HEMK2: variants seen among roughly 807,000 people sequenced by gnomAD.
HEMK2 encodes HemK methyltransferase 2, ETF1 glutamine and histone H4 lysine.
the HEMK2 span, among the ~76,000 whole-genome samples, chr21:28,831,958 A>G: frequency 6.6e-6 from 1 of 152,332 alleles, no homozygotes; most frequent in South Asian, 2.1e-4. Context: ...CTAAAATATC[A>G]TATTTGTAGG....
chr21:28,677,173 C>T, the HEMK2 span, among the ~76,000 whole-genome samples: 5 of 152,152 alleles, frequency 3.3e-5, no homozygotes, highest in African/African-American at 1.2e-4. Context: ...ACAGACAGCA[C>T]CTGGAAAATC....
chr21:28,700,960 A>G, the HEMK2 span, among the ~76,000 whole-genome samples: 2 of 152,168 alleles, frequency 1.3e-5, no homozygotes, highest in African/African-American at 4.8e-5. Context: ...AGGATCAAGG[A>G]GGCTTTATCC....
chr21:28,596,785 A>G, the HEMK2 span, among the ~76,000 whole-genome samples: 2 of 152,200 alleles, frequency 1.3e-5, no homozygotes, highest in South Asian at 4.1e-4. Context: ...ATATTTCAAG[A>G]AATCATTATA....
chr21:28,885,347 G>C, the HEMK2 span: 3 of 1,556,532 alleles, frequency 1.9e-6, no homozygotes, highest in Non-Finnish European at 2.6e-6. Context: ...CCCTGCCATA[G>C]TCCTTCGCTG....
chr21:28,846,592 A>G, the HEMK2 span, among the ~76,000 whole-genome samples: 2 of 152,054 alleles, frequency 1.3e-5, no homozygotes, highest in Admixed American at 6.6e-5. Context: ...GGCCACATGT[A>G]TGTATTCTTT....
the HEMK2 span, among the ~76,000 whole-genome samples, chr21:28,863,413 TATATATATATATATA>T: frequency 0.087 from 2,108 of 24,106 alleles, 248 homozygotes; most frequent in African/African-American, 0.11. Context: ...CTCCCTTTTA[TATATATATATATATA>T]TATATATATA....
chr21:28,788,553 A>C, the HEMK2 span, among the ~76,000 whole-genome samples: 1 of 152,142 alleles, frequency 6.6e-6, no homozygotes, highest in Non-Finnish European at 1.5e-5. Flanking sequence ...AAGGGATAAA[A>C]GACTACAAAT....
the HEMK2 span, chr21:28,878,061 T>C: frequency 2.7e-6 from 2 of 731,938 alleles, no homozygotes; most frequent in South Asian, 2.8e-5. Flanking sequence ...CTGTATTAGC[T>C]ACTGTCAGTG....
chr21:28,599,722 G>A, the HEMK2 span, among the ~76,000 whole-genome samples: 1 of 152,068 alleles, frequency 6.6e-6, no homozygotes. Context: ...GTGAGACAAG[G>A]CACACCCCTT....
At chr21:28,753,675 G>C in the HEMK2 span, among the ~76,000 whole-genome samples, 4 of 152,154 alleles carry the variant, frequency 2.6e-5, no homozygotes. Context: ...ACAAATCTGA[G>C]AGTTAGCCAT....
chr21:28,774,813 G>A, the HEMK2 span, among the ~76,000 whole-genome samples: 2 of 152,056 alleles, frequency 1.3e-5, no homozygotes, highest in South Asian at 4.1e-4. Flanking sequence ...ATGTATTCCT[G>A]AGTAGTATGT....
At chr21:28,587,671 C>A in the HEMK2 span, among the ~76,000 whole-genome samples, 17 of 152,176 alleles carry the variant, frequency 1.1e-4, no homozygotes, top group African/African-American at 3.4e-4. Flanking sequence ...CAACTATCTA[C>A]AAATGCCAGT....
chr21:28,625,085 G>A, the HEMK2 span, among the ~76,000 whole-genome samples: 2 of 152,312 alleles, frequency 1.3e-5, no homozygotes, highest in African/African-American at 4.8e-5. Context: ...GCTAAGTCAT[G>A]CACCCAACTT....
the HEMK2 span, among the ~76,000 whole-genome samples, chr21:28,774,281 T>C: frequency 3.9e-5 from 6 of 152,168 alleles, no homozygotes; most frequent in African/African-American, 1.4e-4. Context: ...CTAAAAACTG[T>C]TACCAATATT....
chr21:28,885,327 C>G, the HEMK2 span: 4 of 1,581,958 alleles, frequency 2.5e-6, no homozygotes, highest in South Asian at 1.1e-5. Context: ...AACGGCGTAG[C>G]GAAGTTCTCC....
chr21:28,697,245 G>A, the HEMK2 span, among the ~76,000 whole-genome samples: 1 of 152,232 alleles, frequency 6.6e-6, no homozygotes, highest in Non-Finnish European at 1.5e-5. Context: ...CCTGTTGAAT[G>A]CTTTGCTGCT....
the HEMK2 span, chr21:28,882,990 C>G: frequency 1.3e-6 from 2 of 1,590,664 alleles, no homozygotes; most frequent in Admixed American, 3.4e-5. Context: ...CTTACATGTA[C>G]AAAGCCTGAG....
At chr21:28,758,610 A>G in the HEMK2 span, among the ~76,000 whole-genome samples, 12 of 152,220 alleles carry the variant, frequency 7.9e-5, no homozygotes, top group Non-Finnish European at 1.6e-4. Flanking sequence ...GAAGATGACT[A>G]AGAAGAGAAA....
At chr21:28,703,111 T>C in the HEMK2 span, among the ~76,000 whole-genome samples, 1 of 152,104 alleles carries the variant, frequency 6.6e-6, no homozygotes, top group African/African-American at 2.4e-5. Context: ...CTAAACATTG[T>C]GTACACATGG....
Sources: gnomAD v4.1 joint callset for allele counts (sites outside exome capture counted in the v4.1 genomes callset) on GRCh38, gnomAD v4.1.1 for gene constraint, MANE v1.5 for transcripts, NCBI Gene and HGNC (gene_info 2026-07-23, HGNC 2026-07-21) for gene names.